Variants in LRMDA observed in about 807,000 individuals in gnomAD.
LRMDA encodes leucine-rich melanocyte differentiation-associated protein.
In LRMDA, 18 loss-of-function variants were observed where a neutral mutation model predicts 29.8. That is an observed-to-expected ratio of 0.60 (90% CI 0.42 to 0.90). The LOEUF (loss-of-function observed/expected upper bound fraction) is 0.90, where lower values mean the gene tolerates loss of function less well. Ranked by LOEUF, LRMDA falls within the 40% of genes least tolerant of loss-of-function variation. The pLI is 0.00. For missense variants in LRMDA, 273 were observed against 273.9 expected (o/e 1.00, Z 0.02); for synonymous variants, 125 against 109.4 (o/e 1.14, Z -0.89).
chr10:76,153,131 G>A (rs560707391), intron 5 of LRMDA, among the ~76,000 whole-genome samples: 37 of 152,162 alleles, frequency 2.4e-4, no homozygotes, highest in Admixed American at 8.5e-4. Flanking sequence ...GAGCCACCAC[G>A]CCTGGCCTTT....
At chr10:75,816,520 C>T (rs1844063590) in intron 2 of LRMDA, among the ~76,000 whole-genome samples, 1 of 152,064 alleles carries the variant, frequency 6.6e-6, no homozygotes, top group Non-Finnish European at 1.5e-5. Flanking sequence ...AAGATGAGGG[C>T]CAATTTCCCA....
At chr10:75,848,340 C>A (rs948725132) in intron 2 of LRMDA, among the ~76,000 whole-genome samples, 1 of 152,166 alleles carries the variant, frequency 6.6e-6, no homozygotes, top group African/African-American at 2.4e-5. Flanking sequence ...TAGGAAGTAA[C>A]TAAAGTAGTC....
At chr10:75,674,357 T>TAA (rs1288058914) in intron 2 of LRMDA, among the ~76,000 whole-genome samples, 1 of 152,152 alleles carries the variant, frequency 6.6e-6, no homozygotes, top group African/African-American at 2.4e-5. Flanking sequence ...TATATATATA[T>TAA]AACAGATAAG....
intron 2 of LRMDA, among the ~76,000 whole-genome samples, chr10:75,556,608 C>T (rs1046541277): frequency 1.3e-5 from 2 of 152,100 alleles, no homozygotes; most frequent in Non-Finnish European, 2.9e-5. Context: ...CTATTCTTTC[C>T]CTTTGATTTT....
chr10:76,438,837 G>A (rs1027789004), intron 6 of LRMDA: 4 of 152,212 alleles, frequency 2.6e-5, no homozygotes, highest in African/African-American at 9.6e-5. Flanking sequence ...ATGTTAATGT[G>A]TATTCAGATG....
chr10:76,010,619 A>C (rs540985675), intron 2 of LRMDA, among the ~76,000 whole-genome samples: 1 of 152,294 alleles, frequency 6.6e-6, no homozygotes, highest in Admixed American at 6.5e-5. Context: ...GGCTATATCC[A>C]TATTTTTAAG....
chr10:76,347,612 G>C (rs540938716), intron 6 of LRMDA, among the ~76,000 whole-genome samples: 37 of 152,232 alleles, frequency 2.4e-4, no homozygotes, highest in Middle Eastern at 3.4e-3. Flanking sequence ...GGGGAAAATA[G>C]ACCCCTAAAA....
chr10:75,904,792 C>T (rs149813587), intron 2 of LRMDA, among the ~76,000 whole-genome samples: 96 of 152,234 alleles, frequency 6.3e-4, no homozygotes, highest in African/African-American at 2.0e-3. Flanking sequence ...ATTGATGAGC[C>T]GAGTTTTCTG....
chr10:76,403,677 T>C (rs941855364), intron 6 of LRMDA, among the ~76,000 whole-genome samples: 2 of 152,172 alleles, frequency 1.3e-5, no homozygotes, highest in Admixed American at 1.3e-4. Flanking sequence ...TTTGAAGAGT[T>C]TCAGCTTGCT....
At chr10:76,169,841 A>G (rs966689985) in intron 5 of LRMDA, among the ~76,000 whole-genome samples, 1 of 152,138 alleles carries the variant, frequency 6.6e-6, no homozygotes, top group Non-Finnish European at 1.5e-5. Context: ...GTGATAGGAG[A>G]ATTCTTCATT....
At chr10:76,270,349 T>A (rs1840052134) in intron 5 of LRMDA, 1 of 152,052 alleles carries the variant, frequency 6.6e-6, no homozygotes, top group Non-Finnish European at 1.5e-5. Flanking sequence ...GGCTGGGAGC[T>A]GGTGTATGGA....
At chr10:76,096,677 CTATG>C (rs1325933893) in intron 5 of LRMDA, among the ~76,000 whole-genome samples, 7 of 152,110 alleles carry the variant, frequency 4.6e-5, no homozygotes, top group African/African-American at 1.7e-4. Context: ...ATTCTGTTGA[CTATG>C]TAGTGCATTT....
intron 4 of LRMDA, among the ~76,000 whole-genome samples, chr10:76,056,635 C>T (rs577508905): frequency 2.0e-5 from 3 of 152,304 alleles, no homozygotes; most frequent in African/African-American, 7.2e-5. Context: ...AGTACTGCTC[C>T]GAGCATGTAC....
At chr10:76,021,709 C>T (rs1847976790) in intron 2 of LRMDA, among the ~76,000 whole-genome samples, 1 of 152,190 alleles carries the variant, frequency 6.6e-6, no homozygotes, top group Non-Finnish European at 1.5e-5. Context: ...TAAGCCAGGC[C>T]TCTCCAGCTT....
intron 6 of LRMDA, among the ~76,000 whole-genome samples, chr10:76,430,488 A>G (rs567484448): frequency 2.0e-5 from 3 of 152,290 alleles, no homozygotes; most frequent in African/African-American, 7.2e-5. Flanking sequence ...TCATAGTATT[A>G]ACCTTGTGAT....
At chr10:75,752,168 A>C (rs1370081833) in intron 2 of LRMDA, among the ~76,000 whole-genome samples, 2 of 150,732 alleles carry the variant, frequency 1.3e-5, no homozygotes, top group Non-Finnish European at 2.9e-5. Context: ...TCATTGGCAA[A>C]TGAGATTGGC....
intron 6 of LRMDA, among the ~76,000 whole-genome samples, chr10:76,490,420 T>C (rs897652085): frequency 3.3e-5 from 5 of 151,976 alleles, no homozygotes; most frequent in African/African-American, 1.2e-4. Flanking sequence ...TCTCTCTCTC[T>C]CTCTTTAGCT....
chr10:76,204,614 G>T (rs897545030), intron 5 of LRMDA, among the ~76,000 whole-genome samples: 2 of 152,038 alleles, frequency 1.3e-5, no homozygotes, highest in Non-Finnish European at 2.9e-5. Flanking sequence ...GGAAAATTAC[G>T]ACTAATCCCC....
intron 2 of LRMDA, among the ~76,000 whole-genome samples, chr10:76,013,676 G>T (rs922198481): frequency 2.0e-5 from 3 of 152,060 alleles, no homozygotes; most frequent in Admixed American, 6.6e-5. Context: ...AGAGGGAGGT[G>T]GGGGGGAAGG....
Sources: allele counts gnomAD v4.1 joint callset (sites outside exome capture counted in the v4.1 genomes callset), GRCh38; gene constraint gnomAD v4.1.1; transcripts MANE v1.5; gene names NCBI Gene and HGNC (gene_info 2026-07-23, HGNC 2026-07-21).